Variants in ASXL2 observed in about 807,000 individuals in gnomAD.
ASXL2 encodes putative Polycomb group protein ASXL2.
In ASXL2, 23 loss-of-function variants were observed where a neutral mutation model predicts 122.0. The observed-to-expected ratio is 0.19, with a 90% confidence interval of 0.14 to 0.27. ASXL2 has a LOEUF of 0.27. ASXL2 is among the 10% of genes least tolerant of loss of function. ASXL2 has a pLI of 1.00. For synonymous variants in ASXL2, 650 were observed against 637.0 expected (o/e 1.02, Z -0.31); for missense variants, 1,518 against 1,713.8 (o/e 0.89, Z 2.02).
At chr2:25,815,983 C>A (rs1440065424) in intron 3 of ASXL2, among the ~76,000 whole-genome samples, 2 of 152,122 alleles carry the variant, frequency 1.3e-5, no homozygotes, top group Non-Finnish European at 2.9e-5. Context: ...AAAGATTACC[C>A]TTATGCATCA....
intron 5 of ASXL2, among the ~76,000 whole-genome samples, chr2:25,776,872 G>A (rs1280797639): frequency 6.6e-6 from 1 of 152,148 alleles, no homozygotes; most frequent in Non-Finnish European, 1.5e-5. Context: ...GCCCAGAAAA[G>A]TGACAATAAA....
intron 1 of ASXL2, among the ~76,000 whole-genome samples, chr2:25,860,371 T>C (rs1296582622): frequency 6.6e-6 from 1 of 151,836 alleles, no homozygotes; most frequent in Non-Finnish European, 1.5e-5. Flanking sequence ...TTGTGGGATA[T>C]AGCAAAAGCA....
At chr2:25,867,455 C>A (rs1311843413) in intron 1 of ASXL2, among the ~76,000 whole-genome samples, 2 of 151,898 alleles carry the variant, frequency 1.3e-5, no homozygotes, top group Non-Finnish European at 2.9e-5. Flanking sequence ...ACAAAAAAAT[C>A]TTAAGTAAAG....
intron 1 of ASXL2, among the ~76,000 whole-genome samples, chr2:25,870,456 G>A (rs926955526): frequency 3.9e-5 from 6 of 152,118 alleles, no homozygotes; most frequent in South Asian, 2.1e-4. Context: ...CCCAGGAGGC[G>A]GAGGTTGCAG....
At chr2:25,840,997 T>A (rs2089572384) in intron 2 of ASXL2, among the ~76,000 whole-genome samples, 1 of 152,208 alleles carries the variant, frequency 6.6e-6, no homozygotes. Flanking sequence ...CTAAAAACTT[T>A]TAAGAGTATA....
intron 5 of ASXL2, among the ~76,000 whole-genome samples, chr2:25,796,068 A>G (rs1175410508): frequency 6.6e-6 from 1 of 152,220 alleles, no homozygotes; most frequent in Non-Finnish European, 1.5e-5. Context: ...TTCTCTGATT[A>G]CAAAGTTCGC....
chr2:25,742,033 C>A lies in ASXL2; in HGVS notation c.4304G>T (p.Arg1435Leu), dbSNP rs542810776. ...SKLCVSCLVVR is the reference protein window; with the variant it reads ...SKLCVSCLVVL ...GTGTATCTCTTTCTAGTCTCATTAC[C>A]GAACGACAAGGCAGGAGACGCACAG... Residue 1435 changes from arginine (R) to leucine (L), a missense_variant, in exon 13 of 13, where the codon CGG becomes CTG. By Grantham distance (102) the Arg-to-Leu change is moderately radical. This residue lies in a region of ASXL2 where 17 missense variants were observed against 37.3 expected (regional missense o/e 0.46). Coordinates refer to ENST00000435504, the MANE Select transcript of ASXL2 (RefSeq NM_018263.6). 1.2e-6 allele frequency: 2 copies of A among 1,610,462 alleles called. No individual in the cohort carries two copies. Among genetic ancestry groups the A allele is most frequent in the Admixed American group, 1.7e-5 (1 of 59,888 alleles).
chr2:25,780,590 T>C lies in ASXL2; in HGVS notation c.404-9050A>G, dbSNP rs1204721467. ...GATACTCTGAAGTGAGGCCCAGGAA[T>C]CTGCACCATACGTCCTGTAGGTGAT... On this transcript the variant is annotated intron_variant, in intron 5 of 12. Transcript: ENST00000435504. Among the ~76,000 whole-genome samples, 3 of 152,318 alleles carry C rather than the reference T, an allele frequency of 2.0e-5. No individual in the cohort carries two copies. In the East Asian group the frequency reaches 5.8e-4, roughly 29 times the overall value.
intron 3 of ASXL2, among the ~76,000 whole-genome samples, chr2:25,819,778 A>C (rs1037447423): frequency 1.3e-5 from 2 of 152,232 alleles, no homozygotes; most frequent in African/African-American, 4.8e-5. Context: ...AGAATTACCA[A>C]ATCTGGATAA....
rs140460610 is a variant in ASXL2, at chr2:25,740,123, C to T, written c.*1906G>A. Reference sequence around the variant, plus strand: ...AAAGGAGAAAGATGGACAGACATATCGTTCTGGCTGAAGCTGGAACACAGA... The same window carrying T: ...AAAGGAGAAAGATGGACAGACATATTGTTCTGGCTGAAGCTGGAACACAGA... On this transcript the variant is annotated 3_prime_UTR_variant, in exon 13 of 13. Coordinates refer to ENST00000435504, the MANE Select transcript of ASXL2 (RefSeq NM_018263.6). 3,626 of 224,594 alleles carry T rather than the reference C, an allele frequency of 0.016. 44 individuals carry two copies. Among genetic ancestry groups the T allele is most frequent in the Non-Finnish European group, 0.023 (2,573 of 112,660 alleles). The allele number at this position is 224,594 out of a possible 1,614,324, so 13.9% of individuals were successfully genotyped here.
At chr2:25,848,148 T>A (rs1211194377) in intron 1 of ASXL2, among the ~76,000 whole-genome samples, 1 of 152,162 alleles carries the variant, frequency 6.6e-6, no homozygotes, top group Non-Finnish European at 1.5e-5. Flanking sequence ...GCATATCAAA[T>A]CTTAACTGAA....
chr2:25,757,887 T>C (rs2088165503), intron 9 of ASXL2, among the ~76,000 whole-genome samples: 2 of 142,760 alleles, frequency 1.4e-5, no homozygotes, highest in African/African-American at 5.3e-5. Context: ...CATCCTGTAC[T>C]AGTATTCCCA....
chr2:25,801,287 A>G (rs1478682649), intron 4 of ASXL2, among the ~76,000 whole-genome samples: 1 of 152,114 alleles, frequency 6.6e-6, no homozygotes, highest in Non-Finnish European at 1.5e-5. Context: ...TTTACCTCCA[A>G]TATTTTATTT....
At chr2:25,785,943 G>T (rs1574415855) in intron 5 of ASXL2, among the ~76,000 whole-genome samples, 1 of 152,210 alleles carries the variant, frequency 6.6e-6, no homozygotes, top group Middle Eastern at 3.4e-3. Flanking sequence ...ACATTATATG[G>T]GGAAAACATG....
At chr2:25,851,867 G>A (rs1004835456) in intron 1 of ASXL2, among the ~76,000 whole-genome samples, 6 of 151,966 alleles carry the variant, frequency 3.9e-5, no homozygotes, top group Non-Finnish European at 2.9e-5. Context: ...CTCCAGCCTC[G>A]GTGACACAAT....
intron 9 of ASXL2, 116 bp from the exon 10 acceptor site, chr2:25,756,230 A>G (rs1053245301): frequency 1.5e-5 from 7 of 464,886 alleles, no homozygotes; most frequent in East Asian, 7.5e-5. Flanking sequence ...TAATAGAAAT[A>G]TAACTATCTC....
intron 3 of ASXL2, among the ~76,000 whole-genome samples, chr2:25,833,634 T>A (rs2089478605): frequency 6.6e-6 from 1 of 151,920 alleles, no homozygotes; most frequent in Admixed American, 6.6e-5. Flanking sequence ...AGGCAGAGGT[T>A]GCAGTGAGCT....
chr2:25,868,656 G>GA (rs1256539637), intron 1 of ASXL2, among the ~76,000 whole-genome samples: 1 of 152,184 alleles, frequency 6.6e-6, no homozygotes, highest in Non-Finnish European at 1.5e-5. Context: ...CTTTCACAAA[G>GA]AAAGAGATAC....
Position 25,744,442 on chromosome 2 carries a change from T to A in ASXL2, c.1895A>T (p.His632Leu). ...PVSRISPMPF[H>L]PSQVSPRARF... is the part of the protein sequence containing the mutation. ...AGCCCTGGGAGAGACCTGCGATGGA[T>A]GAAACGGCATGGGGGAGATTCTGGA... Residue 632 changes from histidine (H) to leucine (L), a missense_variant, in exon 13 of 13, where the codon CAT (histidine) becomes CTT (leucine). Physicochemically the swap from His to Leu is moderately conservative, Grantham distance 99. This residue lies in a region of ASXL2 where 292 missense variants were observed against 293.5 expected (regional missense o/e 1.00). Transcript: ENST00000435504. The surrounding 1 kb of genome is among the most constrained non-coding windows in gnomAD (Gnocchi z 4.7). 6.2e-7 allele frequency: 1 copy of A among 1,610,920 alleles called. No individual in the cohort carries two copies.
Sources: allele counts gnomAD v4.1 joint callset (sites outside exome capture counted in the v4.1 genomes callset), GRCh38; gene constraint gnomAD v4.1.1; regional missense constraint gnomAD v4.1.1; non-coding constraint Gnocchi (gnomAD v3.1); transcripts MANE v1.5; gene names NCBI Gene and HGNC (gene_info 2026-07-23, HGNC 2026-07-21).